Variants in ZNF721 observed in about 807,000 individuals in gnomAD.
ZNF721 encodes the protein zinc finger protein 721.
In ZNF721, 2 loss-of-function variants were observed where a neutral mutation model predicts 2.4. The ratio of observed to expected loss-of-function variants is 0.82; its 90% CI spans 0.34 to 2.58. ZNF721 has a LOEUF of 2.58. Ranked by LOEUF, ZNF721 falls within the 30% of genes most tolerant of loss-of-function variation. ZNF721 has a pLI of 0.11. For missense variants in ZNF721, 1,187 were observed against 1,085.5 expected, an observed-to-expected ratio of 1.09 and a Z score of -1.31; for synonymous variants, 398 against 381.8, an observed-to-expected ratio of 1.04 and a Z score of -0.50.
intron 2 of ZNF721, among the ~76,000 whole-genome samples, chr4:455,569 ACAACCAAC>A (rs1287202152): frequency 6.6e-6 from 1 of 152,096 alleles, no homozygotes; most frequent in African/African-American, 2.4e-5. Flanking sequence ...CCATCTCAAA[ACAACCAAC>A]CAACCAACCA....
At chr4:449,982 T>C (rs1714599034) in intron 2 of ZNF721, among the ~76,000 whole-genome samples, 1 of 152,174 alleles carries the variant, frequency 6.6e-6, no homozygotes, top group South Asian at 2.1e-4. Context: ...AAAAAATAAG[T>C]ATCACAGGAT....
intron 1 of ZNF721, among the ~76,000 whole-genome samples, chr4:486,704 A>T (rs1172058095): frequency 2.0e-5 from 3 of 152,238 alleles, no homozygotes; most frequent in Non-Finnish European, 4.4e-5. Context: ...AAAAAATACA[A>T]AGAGTTTGCA....
At chr4:475,851 C>T (rs1553868557) in intron 1 of ZNF721, among the ~76,000 whole-genome samples, 1 of 151,916 alleles carries the variant, frequency 6.6e-6, no homozygotes, top group Non-Finnish European at 1.5e-5. Context: ...TTCTTAAGCC[C>T]ACCCCCACCG....
chr4:442,042 A>G lies in ZNF721; in HGVS notation c.2425T>C (p.Phe809Leu). 1 of 1,613,938 alleles carries G rather than the reference A, an allele frequency of 6.2e-7. No individual in the cohort carries two copies. Among genetic ancestry groups the G allele is most frequent in the Non-Finnish European group, 8.5e-7 (1 of 1,179,876 alleles). The change falls in exon 3 of 3, where the codon TTT becomes CTT. Residue 809 changes from phenylalanine (F) to leucine (L), a missense_variant. By Grantham distance (22) the Phe-to-Leu change is conservative (BLOSUM62 0). Transcript: ENST00000511833. ...GCTTTACCACATTCTAAACATTTAA[A>G]GGGTTTCTCACCTGTATGAATCCTC... ...HKRIHTGEKP[F>L]KCLECGKAFT...
chr4:496,338 C>G (rs1166551402), intron 1 of ZNF721, among the ~76,000 whole-genome samples: 1 of 151,984 alleles, frequency 6.6e-6, no homozygotes, highest in African/African-American at 2.4e-5. Context: ...CCACCTGGCA[C>G]AGTGTCAGAG....
At chr4:452,333 A>T (rs141209536) in intron 2 of ZNF721, among the ~76,000 whole-genome samples, 1 of 152,344 alleles carries the variant, frequency 6.6e-6, no homozygotes, top group East Asian at 1.9e-4. Flanking sequence ...ATCCTCTGAA[A>T]TACACGGTAA....
intron 1 of ZNF721, among the ~76,000 whole-genome samples, chr4:488,741 A>C (rs1333056383): frequency 6.6e-6 from 1 of 152,124 alleles, no homozygotes; most frequent in African/African-American, 2.4e-5. Flanking sequence ...GAGGCAGGAG[A>C]ATCACTTGAA....
rs782446741 is a variant in ZNF721 at position 442,759 on chromosome 4, C to A, written c.1708G>T (p.Ala570Ser). Residue 570 changes from alanine (A) to serine (S), a missense_variant, in exon 3 of 3, where the codon GCA becomes TCA. Transcript: ENST00000511833. ...EECGKTFRQS[A>S]NLYVHRRIHT... ...ATTCTCCTATGTACATAAAGGTTTG[C>A]GGACTGTCTAAAGGTTTTGCCACAT... 36 of 1,612,762 alleles carry A rather than the reference C, an allele frequency of 2.2e-5. No individual in the cohort carries two copies. The highest frequency in any genetic ancestry group is 3.0e-5 in the Non-Finnish European group (35 of 1,179,608).
intron 1 of ZNF721, among the ~76,000 whole-genome samples, chr4:481,759 C>G (rs1280080054): frequency 6.6e-6 from 1 of 152,114 alleles, no homozygotes; most frequent in African/African-American, 2.4e-5. Context: ...TAAAAATGCC[C>G]TTCAGCAGTT....
Position 441,860 on chromosome 4 carries a change from T to G in ZNF721, c.2607A>C (p.Glu869Asp), listed in dbSNP as rs1714250451. Residue 869 changes from glutamate (E) to aspartate (D), a missense_variant, in exon 3 of 3, where the codon GAA becomes GAC. Glu to Asp is a conservative substitution (Grantham distance 45). Coordinates refer to ENST00000511833, the MANE Select transcript of ZNF721 (RefSeq NM_133474.4). ...CAGACTGTCTAAAGGTTTTGCCACA[T>G]TCTCCACATGTGTAGGGTTTCTCTC... ...HTGEKPYTCG[E>D]CGKTFRQSAN... The G allele has an allele frequency of 3.1e-6, 5 of 1,613,830 alleles. No individual in the cohort carries two copies. Among genetic ancestry groups the G allele is most frequent in the Middle Eastern group, 1.6e-4 (1 of 6,062 alleles).
intron 2 of ZNF721, among the ~76,000 whole-genome samples, chr4:468,423 C>T (rs574200393): frequency 6.6e-6 from 1 of 151,676 alleles, no homozygotes; most frequent in South Asian, 2.1e-4. Flanking sequence ...GAACCAGATT[C>T]CGTCACAAAA....
chr4:443,542 C>T lies in ZNF721; in HGVS notation c.925G>A (p.Val309Ile), dbSNP rs1553863678. The T allele has an allele frequency of 6.2e-7, 1 of 1,614,036 alleles. No individual in the cohort carries two copies. Among genetic ancestry groups the T allele is most frequent in the East Asian group, 2.2e-5 (1 of 44,868 alleles). Reference protein sequence around the residue: ...HTGEKPYTCEVCGKAFRQSAN... With the variant: ...HTGEKPYTCEICGKAFRQSAN... ...GACTGTCTAAAGGCTTTGCCACATA[C>T]TTCACATGTGTAGGGTTTCTCTCCA... The change falls in exon 3 of 3, where the codon GTA (valine) becomes ATA (isoleucine). Residue 309 changes from valine (V) to isoleucine (I), a missense_variant. Val to Ile is a conservative substitution (Grantham distance 29). Transcript: ENST00000511833.
rs1714398615 is a variant in ZNF721, at chr4:444,331, T to C, written c.136A>G (p.Asn46Asp). 6.2e-7 allele frequency: 1 copy of C among 1,614,160 alleles called. No homozygotes were observed. The highest frequency in any genetic ancestry group is 8.5e-7 in the Non-Finnish European group (1 of 1,180,002). The change falls in exon 3 of 3, where the codon AAT (asparagine) becomes GAT (aspartate). Residue 46 changes from asparagine (N) to aspartate (D), a missense_variant. Physicochemically the swap from Asn to Asp is conservative, Grantham distance 23. Transcript: ENST00000511833. Reference protein sequence around the residue: ...LRRYEKCGHDNLQLRKGCKSM... With the variant: ...LRRYEKCGHDDLQLRKGCKSM... ...TTACAGCCTTTCCTTAATTGTAAATTATCATGCCCACATTTCTCATATCTT... is the reference window on the plus strand; with the variant it reads ...TTACAGCCTTTCCTTAATTGTAAATCATCATGCCCACATTTCTCATATCTT...
In ZNF721 at chr4:442,933, T is replaced by C; in HGVS notation, c.1534A>G (p.Ser512Gly). ...ECLECGKAFT[S>G]STTLTKHRRI... ...CTATGTTTAGTAAGGGTTGTGGAAC[T>C]AGTAAACGCTTTACCACATTCTAAA... The change falls in exon 3 of 3, where the codon AGT (serine) becomes GGT (glycine). Residue 512 changes from serine (S) to glycine (G), a missense_variant. Transcript: ENST00000511833. 1.2e-6 allele frequency: 2 copies of C among 1,613,900 alleles called. No homozygotes were observed. The highest frequency in any genetic ancestry group is 1.7e-6 in the Non-Finnish European group (2 of 1,179,878).
Position 442,870 on chromosome 4 carries a change from C to T in ZNF721, c.1597G>A (p.Val533Ile). 2 of 1,614,018 alleles carry T rather than the reference C, an allele frequency of 1.2e-6. No homozygotes were observed. Among genetic ancestry groups the T allele is most frequent in the Admixed American group, 1.7e-5 (1 of 60,016 alleles). Residue 533 changes from valine (V) to isoleucine (I), a missense_variant, in exon 3 of 3, where the codon GTA becomes ATA. Physicochemically the swap from Val to Ile is conservative, Grantham distance 29. Coordinates refer to ENST00000511833, the MANE Select transcript of ZNF721 (RefSeq NM_133474.4). ...HTGEKPYTCE[V>I]CGKAFRQSAI... Reference sequence around the variant, plus strand: ...GACTGTCTAAAGGCTTTGCCACATACTTCACATGTGTAGGGTTTCTCTCCA... The same window carrying T: ...GACTGTCTAAAGGCTTTGCCACATATTTCACATGTGTAGGGTTTCTCTCCA...
In ZNF721 at chr4:470,982, G is replaced by A. The variant is rs148583726; in HGVS notation, c.34+1593C>T. ...GCCACTGCACTGTAGCCTGGTGACA[G>A]AGGAAGACTCTGTCTCAAAAAAAAA... On this transcript the variant is annotated intron_variant, in intron 2 of 2. Transcript: ENST00000511833. 5.3e-3 allele frequency among the ~76,000 whole-genome samples: 789 copies of A among 149,794 alleles called. 15 individuals are homozygous for A. In the South Asian group the frequency reaches 0.065, roughly 12 times the overall value.
chr4:470,740 A>G (rs1715405800), intron 2 of ZNF721, among the ~76,000 whole-genome samples: 1 of 152,026 alleles, frequency 6.6e-6, no homozygotes, highest in African/African-American at 2.4e-5. Flanking sequence ...ATAAAATAGA[A>G]GGCTGGGCGC....
chr4:442,310 G>A lies in ZNF721; in HGVS notation c.2157C>T (p.His719=). The A allele has an allele frequency of 6.2e-7, 1 of 1,613,232 alleles. No homozygotes were observed. The highest frequency in any genetic ancestry group is 8.5e-7 in the Non-Finnish European group (1 of 1,179,482). The stretch of plus-strand genomic sequence containing the variant: ...CACATTTGTAGGGTTTCTCCCTAGT[G>A]TGAACTCTCCTATGTGTAGTAAGGT... ...SRNLTTHRRV[H]TREKPYKCED... Residue 719 remains histidine, a synonymous_variant, in exon 3 of 3, where the codon CAC becomes CAT. Transcript: ENST00000511833.
At chr4:459,460 C>CTAA (rs1553865778) in intron 2 of ZNF721, among the ~76,000 whole-genome samples, 3 of 151,130 alleles carry the variant, frequency 2.0e-5, no homozygotes, top group Non-Finnish European at 4.4e-5. Flanking sequence ...ATTTACCAAG[C>CTAA]AAATGGAAAG....
Sources: allele counts gnomAD v4.1 joint callset (sites outside exome capture counted in the v4.1 genomes callset), GRCh38; gene constraint gnomAD v4.1.1; transcripts MANE v1.5; gene names NCBI Gene and HGNC (gene_info 2026-07-23, HGNC 2026-07-21).